The following ITPR1 variants were observed in gnomAD, a reference collection of about 807,000 sequenced individuals.
ITPR1 encodes inositol 1,4,5-trisphosphate-gated calcium channel ITPR1.
In ITPR1, 96 loss-of-function variants were observed where a neutral mutation model predicts 318.4. The observed-to-expected ratio is 0.30, with a 90% CI of 0.26 to 0.36. The LOEUF (loss-of-function observed/expected upper bound fraction) is 0.36. ITPR1 is among the 10% of genes least tolerant of loss of function. ITPR1 has a pLI of 1.00. For missense variants in ITPR1, 2,440 were observed against 3,460.2 expected, an observed-to-expected ratio of 0.71 and a Z score of 7.40; for synonymous variants, 1,312 against 1,289.9, an observed-to-expected ratio of 1.02 and a Z score of -0.37.
chr3:4,833,602 C>T (rs977311099), intron 60 of ITPR1, among the ~76,000 whole-genome samples: 1 of 152,220 alleles, frequency 6.6e-6, no homozygotes, highest in East Asian at 1.9e-4. Context: ...TCTGGTAAGG[C>T]ACGGCGGCCT....
chr3:4,745,236 T>C (rs1425730297), intron 44 of ITPR1, among the ~76,000 whole-genome samples: 1 of 151,828 alleles, frequency 6.6e-6, no homozygotes, highest in Non-Finnish European at 1.5e-5. Context: ...GGGTTGTTTT[T>C]TAAAAGACGT....
chr3:4,747,685 A>G (rs1361882622), intron 44 of ITPR1, among the ~76,000 whole-genome samples: 1 of 152,202 alleles, frequency 6.6e-6, no homozygotes, highest in East Asian at 1.9e-4. Context: ...CATTTGCCAA[A>G]TGACAATTAT....
intron 36 of ITPR1, among the ~76,000 whole-genome samples, chr3:4,704,735 C>T (rs1244457042): frequency 6.6e-6 from 1 of 151,462 alleles, no homozygotes; most frequent in Non-Finnish European, 1.5e-5. Flanking sequence ...AGACAAAAGA[C>T]AAGGAGAGTT....
At position 4,607,413 on chromosome 3, in the gene ITPR1, C is replaced by T. The variant is rs569672748; in HGVS notation, c.164-20350C>T. 9.2e-5 allele frequency among the ~76,000 whole-genome samples: 14 copies of T among 152,252 alleles called. No individual in the cohort carries two copies. In the East Asian group the frequency reaches 1.5e-3, roughly 17 times the overall value. On this transcript the variant is annotated intron_variant, in intron 4 of 61. Coordinates refer to ENST00000649015, the MANE Select transcript of ITPR1 (RefSeq NM_001378452.1). ...GCTTAAAATGAGGATTCCTAGGCCA[C>T]GCTTCCACCCAGGTCCGTGTGTTTT... is the stretch of plus-strand genomic sequence containing the variant.
chr3:4,623,350 G>A lies in ITPR1; in HGVS notation c.164-4413G>A, dbSNP rs2092709568. 2.6e-5 allele frequency among the ~76,000 whole-genome samples: 4 copies of A among 152,156 alleles called. No homozygotes were observed. In the South Asian group the frequency reaches 6.2e-4, roughly 24 times the overall value. On this transcript the variant is annotated intron_variant, in intron 4 of 61. Transcript: ENST00000649015. The stretch of plus-strand genomic sequence containing the variant: ...CATTCTCCTTTGCTAACTCAATGTG[G>A]CATATGCTCTAACTTTGGAATATTC...
intron 60 of ITPR1, among the ~76,000 whole-genome samples, chr3:4,833,353 G>C (rs1461294718): frequency 1.3e-5 from 2 of 152,156 alleles, no homozygotes; most frequent in Non-Finnish European, 2.9e-5. Context: ...TGGTTTTCTG[G>C]AGTCTTTCGA....
intron 17 of ITPR1, 27 bp downstream of exon 17, chr3:4,665,323 G>C: frequency 6.3e-7 from 1 of 1,583,656 alleles, no homozygotes; most frequent in Non-Finnish European, 8.6e-7. Context: ...GGTGGGATGT[G>C]GTTGTCAGTT....
chr3:4,828,182 T>C (rs116641168), intron 60 of ITPR1, among the ~76,000 whole-genome samples: 2,992 of 152,290 alleles, frequency 0.02, 95 homozygotes, highest in African/African-American at 0.067. Context: ...TTTGGAAAGA[T>C]GTTTCCCTAG....
chr3:4,783,412 T>C (rs2046960844), intron 50 of ITPR1, among the ~76,000 whole-genome samples: 1 of 151,942 alleles, frequency 6.6e-6, no homozygotes, highest in African/African-American at 2.4e-5. Flanking sequence ...GGGCCCGAGG[T>C]TGGTGGGCCC....
intron 60 of ITPR1, among the ~76,000 whole-genome samples, chr3:4,830,129 A>G (rs536456864): frequency 1.4e-3 from 216 of 151,838 alleles, no homozygotes; most frequent in Non-Finnish European, 2.5e-3. Flanking sequence ...ACATGCCACC[A>G]TGCCCAGCTA....
intron 44 of ITPR1, among the ~76,000 whole-genome samples, chr3:4,760,270 T>A (rs1268753047): frequency 1.3e-5 from 2 of 152,204 alleles, no homozygotes; most frequent in East Asian, 3.9e-4. Flanking sequence ...TGGAATCAAA[T>A]GTGATTTGGA....
intron 4 of ITPR1, among the ~76,000 whole-genome samples, chr3:4,550,462 T>G (rs937029585): frequency 6.6e-6 from 1 of 152,218 alleles, no homozygotes; most frequent in Non-Finnish European, 1.5e-5. Flanking sequence ...TAATAAATGA[T>G]TGCAGACTAT....
intron 44 of ITPR1, among the ~76,000 whole-genome samples, chr3:4,748,774 G>T (rs1226636003): frequency 1.3e-5 from 2 of 152,212 alleles, no homozygotes; most frequent in African/African-American, 4.8e-5. Flanking sequence ...AGAACGCGGT[G>T]TTTTAACACT....
chr3:4,611,447 CT>C (rs2092112943), intron 4 of ITPR1, among the ~76,000 whole-genome samples: 2 of 151,800 alleles, frequency 1.3e-5, no homozygotes, highest in Admixed American at 1.3e-4. Flanking sequence ...GTAATCCTAG[CT>C]ACTTGGGAGG....
intron 44 of ITPR1, among the ~76,000 whole-genome samples, chr3:4,737,273 A>G (rs960191346): frequency 2.6e-5 from 4 of 152,192 alleles, no homozygotes; most frequent in African/African-American, 7.2e-5. Flanking sequence ...CTATGTCTCA[A>G]GGATGACATT....
intron 4 of ITPR1, among the ~76,000 whole-genome samples, chr3:4,526,398 G>T (rs144074862): frequency 6.6e-6 from 1 of 152,172 alleles, no homozygotes; most frequent in East Asian, 1.9e-4. Flanking sequence ...AGTGAAGTTG[G>T]TTTCAAGCAT....
At chr3:4,834,214 G>A (rs2050722961) in intron 60 of ITPR1, among the ~76,000 whole-genome samples, 1 of 151,946 alleles carries the variant, frequency 6.6e-6, no homozygotes. Context: ...AAATCTAGAT[G>A]GTCACTCTCC....
At chr3:4,700,197 G>C (rs1195524810) in intron 35 of ITPR1, among the ~76,000 whole-genome samples, 1 of 152,072 alleles carries the variant, frequency 6.6e-6, no homozygotes, top group African/African-American at 2.4e-5. Context: ...TTGTCCTCCA[G>C]TCCTCTGCTT....
intron 5 of ITPR1, among the ~76,000 whole-genome samples, chr3:4,637,867 G>C (rs2093237400): frequency 6.6e-6 from 1 of 152,164 alleles, no homozygotes; most frequent in South Asian, 2.1e-4. Flanking sequence ...GCCAACTTAG[G>C]TCACCTTTTG....
Sources: allele counts gnomAD v4.1 joint callset (sites outside exome capture counted in the v4.1 genomes callset), GRCh38; gene constraint gnomAD v4.1.1; transcripts MANE v1.5; gene names NCBI Gene and HGNC (gene_info 2026-07-23, HGNC 2026-07-21).